PIWIL4: variants seen among roughly 807,000 people sequenced by gnomAD.
PIWIL4 encodes piwi like RNA-mediated gene silencing 4, also known as piwi-like protein 4.
A neutral mutation model predicts 100.9 loss-of-function variants in PIWIL4; 50 were observed. The observed-to-expected ratio is 0.50, with a 90% CI of 0.39 to 0.63. The LOEUF (loss-of-function observed/expected upper bound fraction) is 0.63. Ranked by LOEUF, PIWIL4 falls within the 20% of genes least tolerant of loss-of-function variation. The probability of loss-of-function intolerance (pLI) is 0.00; values close to 1 mark genes in which losing one functional copy is unlikely to be tolerated. For missense variants in PIWIL4, 887 were observed against 1,043.3 expected (o/e 0.85, Z 2.06); for synonymous variants, 342 against 367.5 (o/e 0.93, Z 0.79).
chr11:94,588,293 G>T (rs115223230), intron 7 of PIWIL4, among the ~76,000 whole-genome samples: 1,740 of 152,260 alleles, frequency 0.011, 28 homozygotes, highest in African/African-American at 0.04. Flanking sequence ...ACATGATCCT[G>T]TTCCTTTTTA....
rs766761679 is a variant in PIWIL4, at chr11:94,604,048, G to A, written c.1630G>A (p.Val544Ile). The change falls in exon 13 of 20, where the codon GTT becomes ATT. Residue 544 changes from valine to isoleucine, a missense_variant. Around this residue, in one of 2 missense-constraint regions of PIWIL4, gnomAD observed 741 missense variants for 930.0 expected, o/e 0.80. Coordinates refer to ENST00000299001, the MANE Select transcript of PIWIL4 (RefSeq NM_152431.3). ...TATACAGCAATATGTTGATCCTGAT[G>A]TTCAGCTGGTAAGTACAGGATACTT... ...RAIQQYVDPD[V>I]QLVMCILPSN... 4 of 1,600,716 alleles carry A rather than the reference G, an allele frequency of 2.5e-6. No homozygotes were observed. The highest frequency in any genetic ancestry group is 3.4e-6 in the Non-Finnish European group (4 of 1,170,738).
At chr11:94,590,893 A>G (rs1245489507) in intron 8 of PIWIL4, among the ~76,000 whole-genome samples, 1 of 152,120 alleles carries the variant, frequency 6.6e-6, no homozygotes, top group East Asian at 1.9e-4. Context: ...ATCTTTCTGA[A>G]GTGCTGCCCA....
chr11:94,613,577 G>A (rs887749581), intron 15 of PIWIL4, among the ~76,000 whole-genome samples: 6 of 152,022 alleles, frequency 3.9e-5, no homozygotes, highest in Admixed American at 6.6e-5. Context: ...TGAAACTTTC[G>A]TAATGCAAAT....
intron 13 of PIWIL4, among the ~76,000 whole-genome samples, chr11:94,606,693 G>C (rs182651378): frequency 3.0e-4 from 45 of 152,232 alleles, no homozygotes; most frequent in African/African-American, 1.1e-3. Context: ...AATTAGCCGG[G>C]CGTGGTGGCA....
At position 94,595,310 on chromosome 11, in the gene PIWIL4, G is replaced by A; in HGVS notation, c.1152G>A (p.Gly384=). The A allele has an allele frequency of 6.2e-7, 1 of 1,612,608 alleles. No individual in the cohort carries two copies. The highest frequency in any genetic ancestry group is 1.1e-5 in the South Asian group (1 of 91,026). Residue 384 remains glycine, a splice_region_variant and synonymous_variant, in exon 10 of 20, where the codon GGG becomes GGA. Transcript: ENST00000299001. ...HLIPELCFLT[G]LTDQATSDFQ... is the part of the protein sequence containing the mutation. ...TTTGTCTTCATTTGCATTTAATAGG[G>A]CTGACTGACCAGGCAACATCTGATT...
chr11:94,620,792 C>T, intron 19 of PIWIL4, 84 bp from the exon 20 acceptor site: 2 of 1,001,094 alleles, frequency 2.0e-6, no homozygotes, highest in Admixed American at 1.9e-5. Flanking sequence ...ATCTGTGTAA[C>T]CAGTAGACAA....
chr11:94,618,077 G>A lies in PIWIL4; in HGVS notation c.2138G>A (p.Ser713Asn). 1 of 1,586,470 alleles carries A rather than the reference G, an allele frequency of 6.3e-7. No homozygotes were observed. The highest frequency in any genetic ancestry group is 8.6e-7 in the Non-Finnish European group (1 of 1,163,308). The change falls in exon 17 of 20, where the codon AGC becomes AAC. Residue 713 changes from serine (S) to asparagine (N), a missense_variant. Ser to Asn is a conservative substitution (Grantham distance 46). Transcript: ENST00000299001. ...LIEYEVPQLL[S>N]SVAESSSNTS... ...GAATATGAAGTCCCACAGCTGCTGAGCAGTGTGGCAGAATCCAGCTCAAAT... is the reference window on the plus strand; with the variant it reads ...GAATATGAAGTCCCACAGCTGCTGAACAGTGTGGCAGAATCCAGCTCAAAT...
chr11:94,577,592 G>A, intron 4 of PIWIL4, 100 bp downstream of exon 4: 1 of 941,520 alleles, frequency 1.1e-6, no homozygotes. Flanking sequence ...GATTCCAAAA[G>A]GTTTGTGGAA....
intron 12 of PIWIL4, among the ~76,000 whole-genome samples, chr11:94,603,398 T>C (rs925096538): frequency 2.6e-5 from 4 of 152,224 alleles, no homozygotes; most frequent in Non-Finnish European, 5.9e-5. Context: ...CTTTTGGAGC[T>C]GCTGGCCCCT....
chr11:94,578,428 A>C (rs1352148938), intron 4 of PIWIL4, among the ~76,000 whole-genome samples: 1 of 152,128 alleles, frequency 6.6e-6, no homozygotes, highest in Non-Finnish European at 1.5e-5. Context: ...TTCTGCTATT[A>C]ATCTTTGGTC....
intron 7 of PIWIL4, among the ~76,000 whole-genome samples, chr11:94,587,775 A>G (rs1046759257): frequency 5.9e-5 from 9 of 152,116 alleles, no homozygotes; most frequent in African/African-American, 2.2e-4. Context: ...CACCTTCTTT[A>G]TTAGATTCAG....
At chr11:94,581,718 GTGC>G (rs1432065730) in intron 4 of PIWIL4, among the ~76,000 whole-genome samples, 1 of 152,178 alleles carries the variant, frequency 6.6e-6, no homozygotes, top group Non-Finnish European at 1.5e-5. Context: ...GAGATACAAA[GTGC>G]TGCTATTTAT....
rs780388893 is a variant in PIWIL4, at chr11:94,587,140, G to A, written c.807G>A (p.Arg269=). 6 of 1,614,074 alleles carry A rather than the reference G, an allele frequency of 3.7e-6. No individual in the cohort carries two copies. The South Asian group carries it at 6.6e-5, about 18-fold the overall frequency. Reference sequence around the variant, plus strand: ...CTGATGTGAGTTACAAAGTCCTCCGGAATGAGACGGTTCTGGAATTCATGA... The same window carrying A: ...CTGATGTGAGTTACAAAGTCCTCCGAAATGAGACGGTTCTGGAATTCATGA... ...FSADVSYKVL[R]NETVLEFMTA... Residue 269 remains arginine, a synonymous_variant, in exon 7 of 20, where the codon CGG becomes CGA. Transcript: ENST00000299001.
intron 8 of PIWIL4, among the ~76,000 whole-genome samples, chr11:94,590,322 G>A (rs1384880555): frequency 6.6e-6 from 1 of 152,140 alleles, no homozygotes; most frequent in Non-Finnish European, 1.5e-5. Flanking sequence ...CCCACCGGCT[G>A]GAACTGATCT....
chr11:94,592,406 CTT>C (rs920493633), intron 8 of PIWIL4, among the ~76,000 whole-genome samples: 2 of 152,170 alleles, frequency 1.3e-5, no homozygotes, highest in Non-Finnish European at 2.9e-5. Flanking sequence ...GACTGTGCCT[CTT>C]TTATTTTCTT....
At chr11:94,610,242 A>G (rs1045881094) in intron 15 of PIWIL4, among the ~76,000 whole-genome samples, 1 of 151,946 alleles carries the variant, frequency 6.6e-6, no homozygotes, top group Non-Finnish European at 1.5e-5. Flanking sequence ...GTGTGTGTGT[A>G]TATCTCACAA....
chr11:94,619,751 A>G lies in PIWIL4; in HGVS notation c.2169-9A>G, dbSNP rs763482266. On this transcript the variant is annotated splice_polypyrimidine_tract_variant and intron_variant, in intron 17 of 19. Transcript: ENST00000299001. ...AGTTCTTTTCATATTTTGCCTCTCTAATTTTTAGCTCAAGACTGTCGGTGA... is the reference window on the plus strand; with the variant it reads ...AGTTCTTTTCATATTTTGCCTCTCTGATTTTTAGCTCAAGACTGTCGGTGA... The G allele has an allele frequency of 3.1e-6, 5 of 1,608,502 alleles. No individual in the cohort carries two copies. The highest frequency in any genetic ancestry group is 3.4e-6 in the Non-Finnish European group (4 of 1,178,450).
intron 11 of PIWIL4, among the ~76,000 whole-genome samples, chr11:94,601,505 A>G (rs1948640722): frequency 6.6e-6 from 1 of 152,222 alleles, no homozygotes; most frequent in East Asian, 1.9e-4. Flanking sequence ...GGAACCTCAG[A>G]GATCTTTGAA....
At chr11:94,581,483 G>A (rs1410338103) in intron 4 of PIWIL4, among the ~76,000 whole-genome samples, 1 of 152,180 alleles carries the variant, frequency 6.6e-6, no homozygotes, top group Non-Finnish European at 1.5e-5. Flanking sequence ...AGCTAGGAAG[G>A]TGTGGGAGTT....
Sources: allele counts gnomAD v4.1 joint callset (sites outside exome capture counted in the v4.1 genomes callset), GRCh38; gene constraint gnomAD v4.1.1; regional missense constraint gnomAD v4.1.1; transcripts MANE v1.5; gene names NCBI Gene and HGNC (gene_info 2026-07-23, HGNC 2026-07-21).